The following GAS6 variants were observed in gnomAD, a reference collection of about 807,000 sequenced individuals.
The protein encoded by GAS6 is growth arrest specific 6.
In GAS6, 41 loss-of-function variants were observed where a neutral mutation model predicts 75.8. The observed-to-expected ratio is 0.54, with a 90% CI of 0.42 to 0.70. GAS6 has a LOEUF of 0.70. GAS6 is among the 30% of genes least tolerant of loss of function. The pLI, the probability that GAS6 is intolerant of heterozygous loss-of-function variation, is 0.00. For missense variants in GAS6, 854 were observed against 940.2 expected, an observed-to-expected ratio of 0.91 and a Z score of 1.20; for synonymous variants, 432 against 412.6, an observed-to-expected ratio of 1.05 and a Z score of -0.57.
chr13:113,826,938 C>T (rs531082461), intron 12 of GAS6, 58 bp downstream of exon 12: 31 of 1,334,802 alleles, frequency 2.3e-5, no homozygotes, highest in Non-Finnish European at 2.4e-5. Context: ...TTGCTTTCAG[C>T]GTATGCCTGT....
At chr13:113,859,076 G>T (rs1024781795) in intron 2 of GAS6, among the ~76,000 whole-genome samples, 2 of 150,430 alleles carry the variant, frequency 1.3e-5, no homozygotes, top group Non-Finnish European at 2.9e-5. Context: ...ATGTCTATGT[G>T]AATGTGTGCA....
chr13:113,846,868 G>A (rs939020607), intron 3 of GAS6: 8 of 510,446 alleles, frequency 1.6e-5, no homozygotes, highest in East Asian at 1.5e-4. Flanking sequence ...CCTGCCATAC[G>A]GGAGAATCAC....
chr13:113,834,708 G>A (rs368355684), intron 7 of GAS6, 36 bp from the exon 8 acceptor site: 2 of 1,491,942 alleles, frequency 1.3e-6, no homozygotes, highest in Non-Finnish European at 1.8e-6. Flanking sequence ...GAGCCGGGGA[G>A]GCCTCTACGC....
intron 2 of GAS6, among the ~76,000 whole-genome samples, chr13:113,849,724 A>G (rs535439954): frequency 1.9e-4 from 29 of 152,350 alleles, no homozygotes; most frequent in Non-Finnish European, 3.8e-4. Context: ...GGCATTATTC[A>G]TGGAAAAACT....
chr13:113,853,693 T>G (rs2051893009), intron 2 of GAS6, among the ~76,000 whole-genome samples: 1 of 152,224 alleles, frequency 6.6e-6, no homozygotes, highest in African/African-American at 2.4e-5. Flanking sequence ...ACTAACCCTT[T>G]GACCATAGTG....
In GAS6 at chr13:113,834,817, G is replaced by GT. The variant is rs1446383984; in HGVS notation, c.713-146dup. The stretch of plus-strand genomic sequence containing the variant: ...CTAACGGGGGCGGCTTGGGGGTCGC[G>GT]TCCCCCCCCACTGGAAAGCTAGGTT... On this transcript the variant is annotated intron_variant, in intron 7 of 14. Coordinates refer to ENST00000327773, the MANE Select transcript of GAS6 (RefSeq NM_000820.4). The GT allele has an allele frequency of 1.5e-4, 130 of 851,400 alleles. No homozygotes were observed. The East Asian group carries it at 3.8e-3, about 25-fold the overall frequency. 52.7% of individuals were successfully genotyped at this position (851,400 alleles called of 1,614,324 possible). A position where few individuals can be genotyped will look rare whatever the true frequency, so the allele number is the denominator to read the frequency against.
At position 113,835,643 on chromosome 13, in the gene GAS6, C is replaced by A; in HGVS notation, c.590-8G>T. 11 of 1,588,254 alleles carry A rather than the reference C, an allele frequency of 6.9e-6. No individual in the cohort carries two copies. The Admixed American group carries it at 8.9e-5, about 13-fold the overall frequency. Reference sequence around the variant, plus strand: ...CTGCGCACTCGTCTATGTCTGCAAGCAAAAAAAAACCGGCCAACCGCAGCA... The same window carrying A: ...CTGCGCACTCGTCTATGTCTGCAAGAAAAAAAAAACCGGCCAACCGCAGCA... On this transcript the variant is annotated splice_polypyrimidine_tract_variant and splice_region_variant and intron_variant, in intron 6 of 14. Transcript: ENST00000327773.
intron 12 of GAS6, among the ~76,000 whole-genome samples, chr13:113,826,061 G>A (rs965581496): frequency 6.6e-6 from 1 of 152,194 alleles, no homozygotes; most frequent in African/African-American, 2.4e-5. Flanking sequence ...GGGAATGTGA[G>A]GCAGGGTGGG....
chr13:113,839,719 C>T lies in GAS6; in HGVS notation c.466+9G>A. 2 of 1,613,362 alleles carry T rather than the reference C, an allele frequency of 1.2e-6. No individual in the cohort carries two copies. The highest frequency in any genetic ancestry group is 1.7e-6 in the Non-Finnish European group (2 of 1,179,614). On this transcript the variant is annotated intron_variant, in intron 5 of 14. Transcript: ENST00000327773. Reference sequence around the variant, plus strand: ...GGGAGACCCCGCCTTTGTCTTCAGCCTCACGTACCTTTGTCGCAGAGCCGG... The same window carrying T: ...GGGAGACCCCGCCTTTGTCTTCAGCTTCACGTACCTTTGTCGCAGAGCCGG...
At chr13:113,859,397 T>C (rs545853602) in intron 2 of GAS6, among the ~76,000 whole-genome samples, 1 of 151,834 alleles carries the variant, frequency 6.6e-6, no homozygotes, top group African/African-American at 2.4e-5. Flanking sequence ...TATGTATACA[T>C]GTCTGTTAGT....
intron 2 of GAS6, among the ~76,000 whole-genome samples, chr13:113,856,448 C>A (rs969861469): frequency 6.6e-5 from 10 of 152,132 alleles, no homozygotes; most frequent in African/African-American, 2.4e-4. Flanking sequence ...ACACAGTTGT[C>A]ATGAGGATGT....
At chr13:113,846,440 A>T in intron 4 of GAS6, 87 bp downstream of exon 4, 1 of 1,147,314 alleles carries the variant, frequency 8.7e-7, no homozygotes, top group Non-Finnish European at 1.3e-6. Flanking sequence ...AAACAGAACT[A>T]TTCAGGGCCC....
In GAS6 at chr13:113,848,981, G is replaced by A. The variant is rs75694109; in HGVS notation, c.256-931C>T. Among the ~76,000 whole-genome samples, 4,687 of 152,272 alleles carry A rather than the reference G, an allele frequency of 0.031. 253 individuals carry two copies. The highest frequency in any genetic ancestry group is 0.11 in the African/African-American group (4,453 of 41,544). On this transcript the variant is annotated intron_variant, in intron 2 of 14. Coordinates refer to ENST00000327773, the MANE Select transcript of GAS6 (RefSeq NM_000820.4). The surrounding 1 kb of genome is among the most constrained non-coding windows in gnomAD (Gnocchi z 4.8). ...ACAGAGGCGGTAGGTACCCAGCGCC[G>A]TCTGCAACGCGCCTCTGGCTTCATG...
At chr13:113,835,744 A>T in intron 6 of GAS6, 109 bp from the exon 7 acceptor site, 1 of 1,504,140 alleles carries the variant, frequency 6.6e-7, no homozygotes, top group Non-Finnish European at 8.8e-7. Context: ...TCGCATCCAG[A>T]CTCTGTGGGG....
intron 9 of GAS6, 40 bp from the exon 10 acceptor site, chr13:113,832,528 G>A (rs1177496728): frequency 6.3e-7 from 1 of 1,594,476 alleles, no homozygotes. Flanking sequence ...ACTGGGCACA[G>A]GCAGATGCCC....
intron 2 of GAS6, among the ~76,000 whole-genome samples, chr13:113,852,334 G>A (rs540930632): frequency 4.6e-5 from 7 of 152,270 alleles, no homozygotes; most frequent in East Asian, 1.9e-4. Flanking sequence ...TGGGAGCCCC[G>A]TCTGCAGAAG....
At chr13:113,832,859 G>A (rs1482082321) in intron 8 of GAS6, 107 bp from the exon 9 acceptor site, 14 of 1,567,916 alleles carry the variant, frequency 8.9e-6, no homozygotes, top group Admixed American at 5.3e-5. Context: ...CCTGTGCCTC[G>A]GGAGTGGCCA....
intron 12 of GAS6, among the ~76,000 whole-genome samples, chr13:113,824,323 C>T (rs796194858): frequency 4.4e-5 from 3 of 67,550 alleles, no homozygotes; most frequent in African/African-American, 7.9e-5. Flanking sequence ...GGAGCACCCG[C>T]GGTCTGGGGT....
chr13:113,844,448 G>A lies in GAS6; in HGVS notation c.343+2079C>T, dbSNP rs963598692. On this transcript the variant is annotated intron_variant, in intron 4 of 14. Coordinates refer to ENST00000327773, the MANE Select transcript of GAS6 (RefSeq NM_000820.4). This position sits in a 1 kb window ranked among gnomAD's most constrained non-coding sequence, Gnocchi z 5.7. ...TGCTGCAAATAGCCAGAAGTGAACT[G>A]AGCAAAGGAAGCACGGGACGCACAG... 3.3e-5 allele frequency: 5 copies of A among 150,586 alleles called. No individual in the cohort carries two copies. Among genetic ancestry groups the A allele is most frequent in the African/African-American group, 1.3e-4 (5 of 39,968 alleles). The allele number at this position is 150,586 out of a possible 1,614,324, so 9.3% of individuals were successfully genotyped here.
Sources: gnomAD v4.1 joint callset for allele counts (sites outside exome capture counted in the v4.1 genomes callset) on GRCh38, gnomAD v4.1.1 for gene constraint, Gnocchi (gnomAD v3.1) non-coding constraint, MANE v1.5 for transcripts, NCBI Gene and HGNC (gene_info 2026-07-23, HGNC 2026-07-21) for gene names.